The following TBC1D8 variants were observed in gnomAD, a reference collection of about 807,000 sequenced individuals.
TBC1D8 encodes BUB2-like protein 1.
Under a neutral mutation model 118.8 loss-of-function variants are expected in TBC1D8, and 65 were observed. The ratio of observed to expected loss-of-function variants is 0.55; its 90% CI spans 0.45 to 0.67. The LOEUF is 0.67. TBC1D8 is among the 30% of genes least tolerant of loss of function. The pLI is 0.00. For missense variants in TBC1D8, 1,376 were observed against 1,471.2 expected, an observed-to-expected ratio of 0.94 and a Z score of 1.06; for synonymous variants, 566 against 595.8, an observed-to-expected ratio of 0.95 and a Z score of 0.73.
chr2:101,065,032 T>C (rs1682944840), intron 2 of TBC1D8, among the ~76,000 whole-genome samples: 1 of 152,076 alleles, frequency 6.6e-6, no homozygotes, highest in African/African-American at 2.4e-5. Context: ...GCACACACAA[T>C]ATTTATTCTC....
At chr2:101,053,315 T>C (rs902145041) in intron 4 of TBC1D8, among the ~76,000 whole-genome samples, 2 of 152,066 alleles carry the variant, frequency 1.3e-5, no homozygotes, top group Non-Finnish European at 2.9e-5. Context: ...GCAGATAGGG[T>C]GTATATCCCA....
rs70943054 is a variant in TBC1D8, at chr2:101,009,406, CAAAAAAA to C, written c.3016-1140_3016-1134del. ...GGGCGACAGAGTGAGACTCTGTCTC[CAAAAAAA>C]AAAAAAAAAAGAAAAATGCTTGGGT... On this transcript the variant is annotated intron_variant, in intron 19 of 19. Coordinates refer to ENST00000409318, the MANE Select transcript of TBC1D8 (RefSeq NM_001330348.2). Among the ~76,000 whole-genome samples, 492 of 97,782 alleles carry C rather than the reference CAAAAAAA, an allele frequency of 5.0e-3. 6 individuals carry two copies. The highest frequency in any genetic ancestry group is 0.02 in the African/African-American group (447 of 22,024). The allele number at this position is 97,782 out of a possible 152,430, so 64.1% of individuals were successfully genotyped here.
At chr2:101,115,674 C>T (rs570851834) in intron 1 of TBC1D8, among the ~76,000 whole-genome samples, 6 of 152,098 alleles carry the variant, frequency 3.9e-5, no homozygotes, top group Non-Finnish European at 8.8e-5. Context: ...CTGCTTGAAC[C>T]CAGGAGGCAG....
At chr2:101,018,207 G>C in intron 17 of TBC1D8, 1 of 307,160 alleles carries the variant, frequency 3.3e-6, no homozygotes, top group Non-Finnish European at 6.0e-6. Flanking sequence ...TTATAACACT[G>C]ACTAAACATC....
intron 12 of TBC1D8, 76 bp from the exon 13 acceptor site, chr2:101,028,508 A>C: frequency 6.7e-7 from 1 of 1,495,048 alleles, no homozygotes; most frequent in Non-Finnish European, 8.9e-7. Context: ...TCACAGTGTC[A>C]GACATGCCAG....
intron 14 of TBC1D8, 88 bp from the exon 15 acceptor site, chr2:101,027,539 G>T: frequency 8.5e-7 from 1 of 1,170,644 alleles, no homozygotes; most frequent in Non-Finnish European, 1.3e-6. Flanking sequence ...CTCCTGAAGG[G>T]GACACAAGGA....
At chr2:101,040,551 C>A (rs1449317869) in intron 5 of TBC1D8, among the ~76,000 whole-genome samples, 166 bp from the exon 6 acceptor site, 1 of 152,234 alleles carries the variant, frequency 6.6e-6, no homozygotes, top group East Asian at 1.9e-4. Flanking sequence ...CTCACTGCAA[C>A]CTCCACCTCC....
rs1214752443 is a variant in TBC1D8 at position 101,011,003 on chromosome 2, G to A, written c.2941C>T (p.Gln981Ter). The A allele has an allele frequency of 6.2e-7, 1 of 1,612,658 alleles. No homozygotes were observed. Among genetic ancestry groups the A allele is most frequent in the Admixed American group, 1.7e-5 (1 of 59,988 alleles). The stretch of plus-strand genomic sequence containing the variant: ...AAATCCTTAATCATCTGCTTCAGCT[G>A]TTTCTGATAATCAACTGCATCACCT... ...PNGDAVDYQK[Q>*]LKQMIKDLAK... is the part of the protein sequence containing the mutation. Residue 981 changes from glutamine (Q) to a stop codon, truncating the protein, a stop_gained, in exon 19 of 20, where the codon CAG becomes TAG. Coordinates refer to ENST00000409318, the MANE Select transcript of TBC1D8 (RefSeq NM_001330348.2). LOFTEE classifies it high-confidence loss of function.
intron 1 of TBC1D8, among the ~76,000 whole-genome samples, chr2:101,138,936 C>A (rs754693614): frequency 2.0e-5 from 3 of 152,170 alleles, no homozygotes; most frequent in Non-Finnish European, 4.4e-5. Context: ...CAGGAGCCCA[C>A]CAAGAGTCAC....
chr2:101,077,128 A>G (rs1391511829), intron 2 of TBC1D8, among the ~76,000 whole-genome samples: 2 of 151,936 alleles, frequency 1.3e-5, no homozygotes, highest in Non-Finnish European at 2.9e-5. Context: ...GGTTCACGCC[A>G]TTCTCCTGCC....
At chr2:101,066,286 A>AAAAAT (rs1200419010) in intron 2 of TBC1D8, among the ~76,000 whole-genome samples, 40 of 152,208 alleles carry the variant, frequency 2.6e-4, no homozygotes, top group African/African-American at 8.7e-4. Flanking sequence ...TTCATCTCAA[A>AAAAAT]AAAATAAAAT....
intron 15 of TBC1D8, among the ~76,000 whole-genome samples, chr2:101,025,947 C>T (rs974747004): frequency 5.9e-5 from 9 of 152,160 alleles, no homozygotes; most frequent in Admixed American, 2.6e-4. Flanking sequence ...TGGCTTTAAA[C>T]TAACAATAAA....
At chr2:101,038,750 A>G in intron 6 of TBC1D8, 95 bp from the exon 7 acceptor site, 1 of 1,347,336 alleles carries the variant, frequency 7.4e-7, no homozygotes, top group Non-Finnish European at 1.0e-6. Flanking sequence ...AGGGCAAGGC[A>G]CAATCACTGC....
At chr2:101,138,767 C>A (rs1163729165) in intron 1 of TBC1D8, among the ~76,000 whole-genome samples, 1 of 152,122 alleles carries the variant, frequency 6.6e-6, no homozygotes, top group Non-Finnish European at 1.5e-5. Context: ...CCTGGAGCTC[C>A]CCAAACCCTA....
intron 2 of TBC1D8, among the ~76,000 whole-genome samples, chr2:101,065,622 A>G (rs962427081): frequency 1.3e-5 from 2 of 152,246 alleles, no homozygotes; most frequent in East Asian, 3.8e-4. Context: ...CATGATTTAC[A>G]AGATTTTCAG....
intron 7 of TBC1D8, among the ~76,000 whole-genome samples, chr2:101,037,912 G>A (rs576135898): frequency 1.4e-4 from 22 of 152,146 alleles, no homozygotes; most frequent in South Asian, 4.2e-4. Flanking sequence ...AGGCTGTCCC[G>A]GTCCCCAGAA....
chr2:101,008,102 G>C lies in TBC1D8; in HGVS notation c.3187C>G (p.Leu1063Val), dbSNP rs1277264657. 1 of 1,613,758 alleles carries C rather than the reference G, an allele frequency of 6.2e-7. No individual in the cohort carries two copies. Among genetic ancestry groups the C allele is most frequent in the Non-Finnish European group, 8.5e-7 (1 of 1,179,816 alleles). ...TCAGGAGAAGGAGCTGAAGCCCGCAGCTCCTCCCCACACTCCTGGGAGCAG... is the reference window on the plus strand; with the variant it reads ...TCAGGAGAAGGAGCTGAAGCCCGCACCTCCTCCCCACACTCCTGGGAGCAG... Reference protein sequence around the residue: ...GSCSQECGEELRASAPSPEDS... With the variant: ...GSCSQECGEEVRASAPSPEDS... The change falls in exon 20 of 20, where the codon CTG becomes GTG. Residue 1063 changes from leucine (L) to valine (V), a missense_variant. Transcript: ENST00000409318.
At chr2:101,116,943 GA>G (rs1481077525) in intron 1 of TBC1D8, among the ~76,000 whole-genome samples, 2 of 152,174 alleles carry the variant, frequency 1.3e-5, no homozygotes, top group Non-Finnish European at 2.9e-5. Context: ...GCCCAGCCGA[GA>G]AGTGAAATTT....
At chr2:101,031,561 A>C (rs546087767) in intron 11 of TBC1D8, among the ~76,000 whole-genome samples, 2 of 152,296 alleles carry the variant, frequency 1.3e-5, no homozygotes, top group South Asian at 4.2e-4. Context: ...TAAGAGCATC[A>C]CCAGCCCAGA....
Sources: gnomAD v4.1 joint callset for allele counts (sites outside exome capture counted in the v4.1 genomes callset) on GRCh38, gnomAD v4.1.1 for gene constraint, MANE v1.5 for transcripts, NCBI Gene and HGNC (gene_info 2026-07-23, HGNC 2026-07-21) for gene names.